The following TEC variants were observed in gnomAD, a reference collection of about 807,000 sequenced individuals.
TEC encodes tec protein tyrosine kinase, also known as tyrosine-protein kinase Tec.
A neutral mutation model predicts 93.0 loss-of-function variants in TEC; 72 were observed. That is an observed-to-expected ratio of 0.77 (90% CI 0.64 to 0.94). The LOEUF (loss-of-function observed/expected upper bound fraction) is 0.94. Among genes scored for constraint, TEC ranks in the 40% least tolerant of loss-of-function variants. The pLI, the probability that TEC is intolerant of heterozygous loss-of-function variation, is 0.00. For missense variants in TEC, 630 were observed against 757.9 expected (o/e 0.83, Z 1.98); for synonymous variants, 249 against 247.7 (o/e 1.01, Z -0.05).
At chr4:48,155,614 G>C (rs1720367893) in intron 9 of TEC, among the ~76,000 whole-genome samples, 1 of 152,214 alleles carries the variant, frequency 6.6e-6, no homozygotes, top group African/African-American at 2.4e-5. Flanking sequence ...AGAGACAGCA[G>C]TATCTAAAAG....
chr4:48,168,138 GATTTA>G (rs778253199), intron 6 of TEC, among the ~76,000 whole-genome samples, 185 bp from the exon 7 acceptor site: 33 of 152,080 alleles, frequency 2.2e-4, no homozygotes, highest in Non-Finnish European at 3.8e-4. Context: ...AGGTAACAAT[GATTTA>G]ATTAACCCAC....
intron 1 of TEC, among the ~76,000 whole-genome samples, chr4:48,248,947 C>A (rs1724130734): frequency 6.6e-6 from 1 of 151,508 alleles, no homozygotes; most frequent in Admixed American, 6.6e-5. Context: ...CACTGAAAAC[C>A]AGAAATCTGA....
chr4:48,142,501 T>G (rs1719720784), intron 14 of TEC, among the ~76,000 whole-genome samples: 1 of 152,062 alleles, frequency 6.6e-6, no homozygotes, highest in African/African-American at 2.4e-5. Flanking sequence ...TAAATACAGT[T>G]TGCTTTTTCA....
intron 1 of TEC, among the ~76,000 whole-genome samples, chr4:48,239,906 C>T (rs941216698): frequency 5.3e-5 from 8 of 151,694 alleles, no homozygotes; most frequent in South Asian, 2.1e-4. Context: ...TAAGGTTCAT[C>T]GGTAATATTT....
chr4:48,254,115 G>A (rs1304521226), intron 1 of TEC, among the ~76,000 whole-genome samples: 5 of 152,000 alleles, frequency 3.3e-5, no homozygotes, highest in Non-Finnish European at 4.4e-5. Flanking sequence ...CATAATTAAC[G>A]ACTCCCATTA....
chr4:48,231,080 G>C (rs1449661268), intron 1 of TEC, among the ~76,000 whole-genome samples: 1 of 152,112 alleles, frequency 6.6e-6, no homozygotes, highest in African/African-American at 2.4e-5. Context: ...AGATGTCTAG[G>C]CTCCACTTCC....
chr4:48,242,120 T>C (rs949487139), intron 1 of TEC, among the ~76,000 whole-genome samples: 2 of 152,238 alleles, frequency 1.3e-5, no homozygotes, highest in Admixed American at 1.3e-4. Flanking sequence ...GTCCAATTTC[T>C]TCCAGTGCTG....
intron 1 of TEC, among the ~76,000 whole-genome samples, chr4:48,250,234 C>G (rs1329356074): frequency 6.6e-6 from 1 of 152,226 alleles, no homozygotes; most frequent in Non-Finnish European, 1.5e-5. Context: ...AGCCAAGTAT[C>G]TAGGCATTAG....
chr4:48,253,700 G>A (rs1028420479), intron 1 of TEC, among the ~76,000 whole-genome samples: 1 of 150,374 alleles, frequency 6.7e-6, no homozygotes, highest in Non-Finnish European at 1.5e-5. Context: ...TCAGCATCCC[G>A]AGTAGCTGGG....
chr4:48,256,594 CAAAAA>C (rs34792955), intron 1 of TEC, among the ~76,000 whole-genome samples: 5 of 61,704 alleles, frequency 8.1e-5, no homozygotes, highest in African/African-American at 1.1e-4. Context: ...GACCTTGTCT[CAAAAA>C]AAAAAAAAAA....
chr4:48,266,832 C>CT (rs1401311829), intron 1 of TEC, among the ~76,000 whole-genome samples: 1 of 116,274 alleles, frequency 8.6e-6, no homozygotes, highest in Non-Finnish European at 1.9e-5. Context: ...GAGCAAAACT[C>CT]TGTCTCAAAA....
chr4:48,178,176 C>T (rs1388263589), intron 2 of TEC, among the ~76,000 whole-genome samples: 2 of 117,138 alleles, frequency 1.7e-5, no homozygotes, highest in Non-Finnish European at 3.6e-5. Context: ...TGCTCATCAG[C>T]CCTTGTGTAG....
intron 10 of TEC, 131 bp downstream of exon 10, chr4:48,150,732 A>C (rs1720122414): frequency 1.7e-6 from 1 of 605,514 alleles, no homozygotes; most frequent in African/African-American, 1.9e-5. Context: ...ACACTTTAGA[A>C]ATCAAGTTCA....
At chr4:48,170,732 A>G (rs927389361) in intron 4 of TEC, among the ~76,000 whole-genome samples, 9 of 152,176 alleles carry the variant, frequency 5.9e-5, no homozygotes, top group African/African-American at 2.2e-4. Flanking sequence ...CCAAATATTG[A>G]CTACATGGGC....
intron 5 of TEC, among the ~76,000 whole-genome samples, chr4:48,169,800 G>T (rs1488766525): frequency 6.6e-6 from 1 of 152,148 alleles, no homozygotes; most frequent in Admixed American, 6.5e-5. Flanking sequence ...TTACATGTGA[G>T]TATCATTATG....
At chr4:48,188,908 C>T (rs796885860) in intron 2 of TEC, among the ~76,000 whole-genome samples, 4 of 152,070 alleles carry the variant, frequency 2.6e-5, no homozygotes, top group East Asian at 3.9e-4. Context: ...TGCATATGCG[C>T]GCACACACGC....
intron 2 of TEC, among the ~76,000 whole-genome samples, chr4:48,221,199 A>C (rs1460974915): frequency 6.6e-6 from 1 of 152,214 alleles, no homozygotes; most frequent in Non-Finnish European, 1.5e-5. Flanking sequence ...GGGTTATACC[A>C]TTTATATGGT....
At chr4:48,220,714 A>T (rs541562272) in intron 2 of TEC, among the ~76,000 whole-genome samples, 3 of 152,312 alleles carry the variant, frequency 2.0e-5, no homozygotes, top group African/African-American at 7.2e-5. Context: ...AGCTAAAAAG[A>T]AAAGAAAAGA....
chr4:48,170,939 T>A (rs1197462323), intron 4 of TEC, among the ~76,000 whole-genome samples: 1 of 151,974 alleles, frequency 6.6e-6, no homozygotes, highest in African/African-American at 2.4e-5. Context: ...TAATCCTAGC[T>A]ACTTAGGAGG....
Sources: allele counts gnomAD v4.1 joint callset (sites outside exome capture counted in the v4.1 genomes callset), GRCh38; gene constraint gnomAD v4.1.1; transcripts MANE v1.5; gene names NCBI Gene and HGNC (gene_info 2026-07-23, HGNC 2026-07-21).